The following UIMC1 variants were observed in gnomAD, a reference collection of about 807,000 sequenced individuals.
UIMC1 encodes the protein ubiquitin interaction motif containing 1, also known as BRCA1-A complex subunit RAP80.
A neutral mutation model predicts 84.9 loss-of-function variants in UIMC1; 42 were observed. That is an observed-to-expected ratio of 0.49 (90% confidence interval 0.39 to 0.64). The LOEUF is 0.64. Ranked by LOEUF, UIMC1 falls within the 30% of genes least tolerant of loss-of-function variation. The pLI is 0.00. For synonymous variants in UIMC1, 281 were observed against 293.0 expected (o/e 0.96, Z 0.42); for missense variants, 825 against 847.6 (o/e 0.97, Z 0.33).
At chr5:177,009,755 C>T (rs905493279), upstream of UIMC1, among the ~76,000 whole-genome samples, 1 of 151,826 alleles carries the variant, frequency 6.6e-6, no homozygotes, top group Admixed American at 6.6e-5. This position sits in a 1 kb window ranked among gnomAD's most constrained non-coding sequence, Gnocchi z 4.3. Context: ...TAAAAACAGG[C>T]CTAGCACGGT....
chr5:176,929,930 AAAGAT>A (rs1343648542), intron 10 of UIMC1, among the ~76,000 whole-genome samples: 1 of 152,250 alleles, frequency 6.6e-6, no homozygotes, highest in Non-Finnish European at 1.5e-5. Flanking sequence ...GAACCTAAAT[AAAGAT>A]AATAGTAAGT....
At chr5:176,936,785 T>C (rs1763763175) in intron 10 of UIMC1, among the ~76,000 whole-genome samples, 1 of 152,222 alleles carries the variant, frequency 6.6e-6, no homozygotes, top group Non-Finnish European at 1.5e-5. Context: ...CCTGTTCAAA[T>C]GTCATCTTCT....
chr5:177,009,536 C>T (rs1342222228), upstream of UIMC1, among the ~76,000 whole-genome samples: 2 of 152,136 alleles, frequency 1.3e-5, no homozygotes, highest in Admixed American at 6.6e-5. The surrounding 1 kb of genome is among the most constrained non-coding windows in gnomAD (Gnocchi z 4.3). Context: ...AAGTAGACAA[C>T]ATCCTAATTG....
At chr5:176,999,257 CTT>C (rs1774095686) in intron 1 of UIMC1, among the ~76,000 whole-genome samples, 1 of 151,984 alleles carries the variant, frequency 6.6e-6, no homozygotes, top group Non-Finnish European at 1.5e-5. Context: ...GCATATAAGT[CTT>C]ATACATTTTA....
intron 1 of UIMC1, among the ~76,000 whole-genome samples, chr5:176,983,080 C>A (rs537874634): frequency 4.6e-5 from 7 of 152,286 alleles, no homozygotes; most frequent in African/African-American, 1.4e-4. Context: ...GTCATCTGCC[C>A]GCCTTGGCCT....
At chr5:177,018,772 C>G (rs1775726321) in intron 1 of UIMC1, among the ~76,000 whole-genome samples, 1 of 152,144 alleles carries the variant, frequency 6.6e-6, no homozygotes, top group African/African-American at 2.4e-5. Context: ...AGGACTCTGC[C>G]TCCATGGCAC....
In UIMC1 at chr5:176,905,310, G is replaced by C; in HGVS notation, c.2132C>G (p.Ala711Gly). Residue 711 changes from alanine to glycine, a missense_variant, in exon 15 of 15, where the codon GCT (alanine) becomes GGT (glycine). Physicochemically the swap from Ala to Gly is moderately conservative, Grantham distance 60. Transcript: ENST00000511320. ...GAATTTTCTCCTTCTTCCTCTGCCAGCTTTGGTCCGTGTCCGACTACCTGG... is the reference window on the plus strand; with the variant it reads ...GAATTTTCTCCTTCTTCCTCTGCCACCTTTGGTCCGTGTCCGACTACCTGG... ...VQPGSRTRTK[A>G]GRGRRRKF 2 of 1,614,056 alleles carry C rather than the reference G, an allele frequency of 1.2e-6. No homozygotes were observed. Among genetic ancestry groups the C allele is most frequent in the Non-Finnish European group, 1.7e-6 (2 of 1,179,960 alleles).
chr5:176,924,266 C>T (rs947255316), intron 10 of UIMC1, among the ~76,000 whole-genome samples: 4 of 150,636 alleles, frequency 2.7e-5, no homozygotes, highest in Admixed American at 1.3e-4. Context: ...TGCAGTGAGC[C>T]GAGATCGTAC....
chr5:176,911,181 T>C, intron 11 of UIMC1, 130 bp downstream of exon 11: 1 of 506,636 alleles, frequency 2.0e-6, no homozygotes. Flanking sequence ...AAAAGAAAAT[T>C]CAGGCATCCA....
intron 8 of UIMC1, among the ~76,000 whole-genome samples, chr5:176,953,570 T>A (rs1766200866): frequency 6.8e-6 from 1 of 147,640 alleles, no homozygotes; most frequent in Non-Finnish European, 1.5e-5. Context: ...AACTTCAAAA[T>A]CCTGTCAACT....
intron 10 of UIMC1, among the ~76,000 whole-genome samples, chr5:176,928,399 T>C (rs1460429790): frequency 6.6e-6 from 1 of 152,130 alleles, no homozygotes; most frequent in Non-Finnish European, 1.5e-5. Flanking sequence ...TTAGATACTA[T>C]GGAGGGAATA....
intron 10 of UIMC1, among the ~76,000 whole-genome samples, chr5:176,920,699 G>C (rs1363650960): frequency 6.6e-6 from 1 of 152,066 alleles, no homozygotes; most frequent in African/African-American, 2.4e-5. Flanking sequence ...GGATTCTCTA[G>C]GATTTTCTAT....
chr5:176,947,683 T>TC (rs1765309596), intron 9 of UIMC1, among the ~76,000 whole-genome samples: 3 of 151,504 alleles, frequency 2.0e-5, no homozygotes, highest in Non-Finnish European at 2.9e-5. Flanking sequence ...CCAGGCGTGG[T>TC]GGTGGGCGCC....
At chr5:176,920,107 C>T (rs945081428) in intron 10 of UIMC1, among the ~76,000 whole-genome samples, 1 of 152,104 alleles carries the variant, frequency 6.6e-6, no homozygotes. Context: ...CCACAACCTC[C>T]GCCTCCTGGG....
At chr5:176,958,482 T>C (rs994086517) in intron 6 of UIMC1, among the ~76,000 whole-genome samples, 3 of 152,226 alleles carry the variant, frequency 2.0e-5, no homozygotes, top group Non-Finnish European at 2.9e-5. Flanking sequence ...ATGCACTTCA[T>C]AACATGCAAG....
At chr5:176,907,323 G>C in intron 12 of UIMC1, 146 bp from the exon 13 acceptor site, 1 of 721,838 alleles carries the variant, frequency 1.4e-6, no homozygotes. Context: ...TAATAAACGA[G>C]GGTTTCACAA....
intron 11 of UIMC1, 77 bp from the exon 12 acceptor site, chr5:176,908,771 A>T: frequency 6.6e-7 from 1 of 1,513,986 alleles, no homozygotes; most frequent in East Asian, 2.3e-5. Context: ...TATGTCTCAA[A>T]TTGTGTTTTT....
In UIMC1 at chr5:176,905,506, A is replaced by C. The variant is rs763761339; in HGVS notation, c.1950-14T>G. ...GGTGAAGGCACCCTAGAGAGAAGGAAAAAAATTCAGATTCAATATACACCT... is the reference window on the plus strand; with the variant it reads ...GGTGAAGGCACCCTAGAGAGAAGGACAAAAATTCAGATTCAATATACACCT... On this transcript the variant is annotated splice_polypyrimidine_tract_variant and intron_variant, in intron 14 of 14. Coordinates refer to ENST00000511320, the MANE Select transcript of UIMC1 (RefSeq NM_001199298.2). 6.2e-6 allele frequency: 10 copies of C among 1,611,542 alleles called. No individual in the cohort carries two copies. The Admixed American group carries it at 1.7e-4, about 27-fold the overall frequency.
At chr5:176,953,596 T>C (rs1036767646) in intron 8 of UIMC1, among the ~76,000 whole-genome samples, 2 of 151,790 alleles carry the variant, frequency 1.3e-5, no homozygotes, top group Non-Finnish European at 2.9e-5. Context: ...TAAAGGTATT[T>C]TCAAAAAGAT....
Sources: allele counts gnomAD v4.1 joint callset (sites outside exome capture counted in the v4.1 genomes callset), GRCh38; gene constraint gnomAD v4.1.1; non-coding constraint Gnocchi (gnomAD v3.1); transcripts MANE v1.5; gene names NCBI Gene and HGNC (gene_info 2026-07-23, HGNC 2026-07-21).